The following CTDSPL2 variants were observed in gnomAD, a reference collection of about 807,000 sequenced individuals.
CTDSPL2 encodes CTD small phosphatase like 2.
Under a neutral mutation model 60.0 loss-of-function variants are expected in CTDSPL2, and 5 were observed. That is an observed-to-expected ratio of 0.08 (90% CI 0.04 to 0.18). The LOEUF (loss-of-function observed/expected upper bound fraction) is 0.18. CTDSPL2 is among the 10% of genes least tolerant of loss of function. The pLI, the probability that CTDSPL2 is intolerant of heterozygous loss-of-function variation, is 1.00. For synonymous variants in CTDSPL2, 186 were observed against 189.3 expected (o/e 0.98, Z 0.14); for missense variants, 370 against 548.8 (o/e 0.67, Z 3.26).
In CTDSPL2 at chr15:44,526,772, G is replaced by A. The variant is rs183465934; in HGVS notation, c.*2598G>A. The A allele has an allele frequency of 6.4e-4, 98 of 152,132 alleles. No individual in the cohort carries two copies. The highest frequency in any genetic ancestry group is 2.0e-3 in the African/African-American group (84 of 41,504). The allele number at this position is 152,132 out of a possible 1,614,324, so 9.4% of individuals were successfully genotyped here. ...ATCGGAGGTGTGTATTTTTTAAATT[G>A]AAATGTGCCCAGCCCCTTCAGCTCA... On this transcript the variant is annotated 3_prime_UTR_variant, in exon 13 of 13. Coordinates refer to ENST00000260327, the MANE Select transcript of CTDSPL2 (RefSeq NM_016396.3).
In CTDSPL2 at chr15:44,526,439, A is replaced by G. The variant is rs1209971889; in HGVS notation, c.*2265A>G. On this transcript the variant is annotated 3_prime_UTR_variant, in exon 13 of 13. Coordinates refer to ENST00000260327, the MANE Select transcript of CTDSPL2 (RefSeq NM_016396.3). ...TTTTTAAACTAATCATCTTTTATCA[A>G]TGATAAAGTTGTTTTCAGTCCCACA... 1 of 152,148 alleles carries G rather than the reference A, an allele frequency of 6.6e-6. No individual in the cohort carries two copies. The highest frequency in any genetic ancestry group is 2.4e-5 in the African/African-American group (1 of 41,452). 9.4% of individuals were successfully genotyped at this position (152,148 alleles called of 1,614,324 possible). A position where few individuals can be genotyped will look rare whatever the true frequency, so the allele number is the denominator to read the frequency against.
intron 8 of CTDSPL2, among the ~76,000 whole-genome samples, chr15:44,510,846 A>G (rs1272359718): frequency 6.6e-6 from 1 of 152,210 alleles, no homozygotes; most frequent in Non-Finnish European, 1.5e-5. Context: ...TCAAGAGTTA[A>G]ACTCATTGTA....
intron 1 of CTDSPL2, among the ~76,000 whole-genome samples, chr15:44,455,199 A>G (rs369532383): frequency 6.6e-6 from 1 of 152,090 alleles, no homozygotes; most frequent in Non-Finnish European, 1.5e-5. Context: ...GTGAATGGGA[A>G]TTCACTCATG....
intron 1 of CTDSPL2, among the ~76,000 whole-genome samples, chr15:44,432,362 C>T (rs1413965843): frequency 2.0e-5 from 3 of 151,902 alleles, no homozygotes; most frequent in African/African-American, 7.3e-5. Context: ...CTCTGTCGCC[C>T]AGGCTGGAGT....
At chr15:44,432,590 G>A (rs945164336) in intron 1 of CTDSPL2, among the ~76,000 whole-genome samples, 2 of 150,002 alleles carry the variant, frequency 1.3e-5, no homozygotes, top group African/African-American at 2.5e-5. Context: ...AAAGTGCTGG[G>A]ATTAGAGGCG....
intron 1 of CTDSPL2, among the ~76,000 whole-genome samples, chr15:44,433,380 T>C (rs2079902845): frequency 6.8e-6 from 1 of 146,602 alleles, no homozygotes; most frequent in African/African-American, 2.5e-5. Flanking sequence ...AGTGTACTAG[T>C]AGAACATACT....
At chr15:44,435,808 T>C (rs1374166727) in intron 1 of CTDSPL2, among the ~76,000 whole-genome samples, 4 of 151,886 alleles carry the variant, frequency 2.6e-5, no homozygotes, top group Admixed American at 6.6e-5. Flanking sequence ...GGTTTCGCCA[T>C]GTTGGCCAGG....
chr15:44,464,083 C>A (rs2080632984), intron 2 of CTDSPL2, among the ~76,000 whole-genome samples: 1 of 152,142 alleles, frequency 6.6e-6, no homozygotes. Context: ...GATCTCTGCT[C>A]ACTGCAACCT....
intron 2 of CTDSPL2, among the ~76,000 whole-genome samples, chr15:44,471,812 C>G (rs2080816450): frequency 6.6e-6 from 1 of 151,982 alleles, no homozygotes; most frequent in Non-Finnish European, 1.5e-5. Flanking sequence ...AATCTGCTTC[C>G]TGTCTCTATG....
At chr15:44,490,062 A>AT (rs1345415809) in intron 4 of CTDSPL2, among the ~76,000 whole-genome samples, 2 of 152,032 alleles carry the variant, frequency 1.3e-5, no homozygotes, top group African/African-American at 2.4e-5. Context: ...TTGGAGGTTA[A>AT]TTTTTTTTGT....
At position 44,444,496 on chromosome 15, in the gene CTDSPL2, C is replaced by T. The variant is rs556422826; in HGVS notation, c.-24-14495C>T. On this transcript the variant is annotated intron_variant, in intron 1 of 12. Transcript: ENST00000260327. Reference sequence around the variant, plus strand: ...AGTAGCTGAGACCACAGGCACACATCACTACACCTGGCTAATTTTTTGTAT... The same window carrying T: ...AGTAGCTGAGACCACAGGCACACATTACTACACCTGGCTAATTTTTTGTAT... Among the ~76,000 whole-genome samples the T allele has an allele frequency of 4.6e-5, 7 of 152,048 alleles. No individual in the cohort carries two copies. The South Asian group carries it at 8.3e-4, about 18-fold the overall frequency.
intron 1 of CTDSPL2, among the ~76,000 whole-genome samples, chr15:44,454,454 G>T (rs184673317): frequency 1.5e-3 from 226 of 152,114 alleles, no homozygotes; most frequent in Non-Finnish European, 3.5e-4. Flanking sequence ...GTCAATTTTG[G>T]CTTTTGTTGC....
intron 12 of CTDSPL2, among the ~76,000 whole-genome samples, chr15:44,521,952 A>AT (rs1320031554): frequency 6.7e-6 from 1 of 149,910 alleles, no homozygotes; most frequent in Non-Finnish European, 1.5e-5. Context: ...AAAAAAAAAA[A>AT]AAAAAAAAAA....
chr15:44,440,760 T>C (rs1323044722), intron 1 of CTDSPL2, among the ~76,000 whole-genome samples: 1 of 152,198 alleles, frequency 6.6e-6, no homozygotes, highest in Non-Finnish European at 1.5e-5. Flanking sequence ...TTTTACTGAA[T>C]GCTGGATATT....
chr15:44,447,506 A>C (rs550719843), intron 1 of CTDSPL2: 3 of 152,308 alleles, frequency 2.0e-5, no homozygotes, highest in African/African-American at 7.2e-5. Context: ...ACATCTTTAT[A>C]TATCCAGCCA....
At chr15:44,477,826 G>A (rs1433892610) in intron 2 of CTDSPL2, among the ~76,000 whole-genome samples, 3 of 150,470 alleles carry the variant, frequency 2.0e-5, no homozygotes, top group Non-Finnish European at 3.0e-5. Flanking sequence ...CAGCAAGAGC[G>A]AAACGTAGTC....
Position 44,527,853 on chromosome 15 carries a change from GCTA to G in CTDSPL2, c.*3680_*3682del, listed in dbSNP as rs1039224063. On this transcript the variant is annotated 3_prime_UTR_variant, in exon 13 of 13. Coordinates refer to ENST00000260327, the MANE Select transcript of CTDSPL2 (RefSeq NM_016396.3). ...ATTGACTTTCTTATTCCTCTCATGAGCTATAATTGAGTATAGTATTTTTTTAGT... is the reference window on the plus strand; with the variant it reads ...ATTGACTTTCTTATTCCTCTCATGAGTAATTGAGTATAGTATTTTTTTAGT... 1.3e-5 allele frequency: 2 copies of G among 152,172 alleles called. No homozygotes were observed. The highest frequency in any genetic ancestry group is 2.9e-5 in the Non-Finnish European group (2 of 68,026). The allele number at this position is 152,172 out of a possible 1,614,324, so 9.4% of individuals were successfully genotyped here.
intron 8 of CTDSPL2, chr15:44,503,460 G>A (rs1448277093): frequency 6.6e-6 from 1 of 152,082 alleles, no homozygotes; most frequent in African/African-American, 2.4e-5. Flanking sequence ...CAAGACTCTA[G>A]GTCATCTCAC....
rs976483646 is a variant in CTDSPL2 at position 44,446,636 on chromosome 15, T to TCAAA, written c.-24-12338_-24-12335dup. On this transcript the variant is annotated intron_variant, in intron 1 of 12. Coordinates refer to ENST00000260327, the MANE Select transcript of CTDSPL2 (RefSeq NM_016396.3). ...CAGAGCAAGGCTCTATCTCAAACAA[T>TCAAA]CAAACAAACAAACAAACAAAAAACC... Among the ~76,000 whole-genome samples, 7 of 125,824 alleles carry TCAAA rather than the reference T, an allele frequency of 5.6e-5. No individual in the cohort carries two copies. In the East Asian group the frequency reaches 9.3e-4, roughly 17 times the overall value. The allele number at this position is 125,824 out of a possible 152,430, so 82.5% of individuals were successfully genotyped here.
Sources: gnomAD v4.1 joint callset for allele counts (sites outside exome capture counted in the v4.1 genomes callset) on GRCh38, gnomAD v4.1.1 for gene constraint, MANE v1.5 for transcripts, NCBI Gene and HGNC (gene_info 2026-07-23, HGNC 2026-07-21) for gene names.